AKAP7: variants seen among roughly 807,000 people sequenced by gnomAD.
AKAP7 encodes A-kinase anchoring protein 7.
In AKAP7, 39 loss-of-function variants were observed where a neutral mutation model predicts 39.5. The observed-to-expected ratio is 0.99, with a 90% CI of 0.76 to 1.29. The LOEUF (loss-of-function observed/expected upper bound fraction) is 1.29. Among genes scored for constraint, AKAP7 ranks in the 50% most tolerant of loss-of-function variants. The pLI is 0.00. For missense variants in AKAP7, 414 were observed against 407.7 expected (o/e 1.02, Z -0.13); for synonymous variants, 140 against 139.1 (o/e 1.01, Z -0.05).
At chr6:131,137,265 A>G (rs774000499) in intron 1 of AKAP7, 1 of 151,272 alleles carries the variant, frequency 6.6e-6, no homozygotes, top group Non-Finnish European at 1.5e-5. Context: ...TAAATTTACT[A>G]TTTACCTAGT....
Position 131,282,924 on chromosome 6 carries a change from G to A in AKAP7, c.*1198G>A, listed in dbSNP as rs915343766. ...ACTGTGAACAAATCATTCACAAACA[G>A]AATAAAACAGAGCCAACAACAGTAT... On this transcript the variant is annotated 3_prime_UTR_variant, in exon 8 of 8. Transcript: ENST00000431975. The A allele has an allele frequency of 1.5e-5, 3 of 206,882 alleles. No homozygotes were observed. Among genetic ancestry groups the A allele is most frequent in the African/African-American group, 6.9e-5 (3 of 43,280 alleles). 12.8% of individuals were successfully genotyped at this position (206,882 alleles called of 1,614,324 possible). A position where few individuals can be genotyped will look rare whatever the true frequency, so the allele number is the denominator to read the frequency against.
chr6:131,227,353 C>A (rs1331384633), intron 7 of AKAP7, among the ~76,000 whole-genome samples: 1 of 152,048 alleles, frequency 6.6e-6, no homozygotes, highest in Non-Finnish European at 1.5e-5. Context: ...GAGGAAGCTG[C>A]AGAGTGGGAG....
intron 6 of AKAP7, among the ~76,000 whole-genome samples, chr6:131,211,950 T>C (rs1356968803): frequency 2.6e-5 from 4 of 152,178 alleles, no homozygotes; most frequent in Non-Finnish European, 4.4e-5. Context: ...TAGCCTAGCC[T>C]ACCTAAATGT....
chr6:131,131,352 T>C (rs112657358), upstream of AKAP7, among the ~76,000 whole-genome samples: 736 of 152,288 alleles, frequency 4.8e-3, 9 homozygotes, highest in African/African-American at 0.017. Flanking sequence ...GAGCCAGACA[T>C]TGCTCTTCAT....
chr6:131,185,204 T>C (rs879581000), intron 5 of AKAP7: 2 of 482,780 alleles, frequency 4.1e-6, no homozygotes. Context: ...GCTTAATAGG[T>C]GGGAAGAAAA....
chr6:131,160,145 A>G lies in AKAP7; in HGVS notation c.238A>G (p.Arg80Gly), dbSNP rs1473997162. The change falls in exon 3 of 8, where the codon AGA becomes GGA. Residue 80 changes from arginine (R) to glycine (G), a missense_variant. Physicochemically the swap from Arg to Gly is moderately radical, Grantham distance 125 (BLOSUM62 -2). Transcript: ENST00000431975. ...SDQVKKRKKK[R>G]KDYQPNYFLS... is the part of the protein sequence containing the mutation. ...TCAAGTAAAGAAGAGGAAAAAAAAG[A>G]GAAAAGATTATCAACCCAACTATTT... The G allele has an allele frequency of 1.2e-6, 2 of 1,612,004 alleles. No individual in the cohort carries two copies. The highest frequency in any genetic ancestry group is 2.2e-5 in the East Asian group (1 of 44,822).
chr6:131,175,981 A>G (rs1432930427), intron 5 of AKAP7, among the ~76,000 whole-genome samples: 1 of 152,238 alleles, frequency 6.6e-6, no homozygotes, highest in Non-Finnish European at 1.5e-5. Context: ...CATGTCTCAT[A>G]AAACTTCTAT....
At chr6:131,253,124 C>G (rs1562245492) in intron 7 of AKAP7, 2 of 1,604,490 alleles carry the variant, frequency 1.2e-6, no homozygotes, top group Non-Finnish European at 1.7e-6. Context: ...CAAGTGACCC[C>G]TCCCCTCTCC....
chr6:131,170,972 A>T (rs1803990321), intron 5 of AKAP7, among the ~76,000 whole-genome samples: 2 of 152,218 alleles, frequency 1.3e-5, no homozygotes, highest in Admixed American at 1.3e-4. Flanking sequence ...TGGGTTGCAA[A>T]TGTGAAATTC....
At chr6:131,271,423 T>G (rs186017787) in intron 7 of AKAP7, among the ~76,000 whole-genome samples, 1 of 152,200 alleles carries the variant, frequency 6.6e-6, no homozygotes, top group South Asian at 2.1e-4. Context: ...TCTATACTTA[T>G]GCCAATACCA....
At chr6:131,135,267 A>G (rs920670759), upstream of AKAP7, among the ~76,000 whole-genome samples, 5 of 152,348 alleles carry the variant, frequency 3.3e-5, no homozygotes, top group African/African-American at 1.2e-4. Context: ...GCCACGGGAA[A>G]TAAATGAGGG....
chr6:131,235,342 A>G (rs1444320676), intron 7 of AKAP7, among the ~76,000 whole-genome samples: 1 of 152,176 alleles, frequency 6.6e-6, no homozygotes, highest in Non-Finnish European at 1.5e-5. Flanking sequence ...AGTCTTTGCT[A>G]TTGTGAATAG....
At position 131,250,099 on chromosome 6, in the gene AKAP7, T is replaced by C. The variant is rs187226709; in HGVS notation, c.850+30291T>C. On this transcript the variant is annotated intron_variant, in intron 7 of 7. Transcript: ENST00000431975. The stretch of plus-strand genomic sequence containing the variant: ...ATCTCCTAGGGATAAAAGAAGGCTC[T>C]TCCTCTTTAAGTAGCAGACAGAAAA... The C allele has an allele frequency of 1.7e-4, 156 of 894,854 alleles. 1 individual carries two copies. The highest frequency in any genetic ancestry group is 1.8e-5 in the African/African-American group (1 of 55,354). The allele number at this position is 894,854 out of a possible 1,614,324, so 55.4% of individuals were successfully genotyped here. A position where few individuals can be genotyped will look rare whatever the true frequency, so the allele number is the denominator to read the frequency against.
At chr6:131,223,952 A>AG (rs1809930157) in intron 7 of AKAP7, among the ~76,000 whole-genome samples, 1 of 152,084 alleles carries the variant, frequency 6.6e-6, no homozygotes, top group Non-Finnish European at 1.5e-5. Context: ...CCCTTATGTG[A>AG]GGTAGTTTCT....
chr6:131,228,506 G>A (rs1810376037), intron 7 of AKAP7, among the ~76,000 whole-genome samples: 1 of 152,018 alleles, frequency 6.6e-6, no homozygotes, highest in Non-Finnish European at 1.5e-5. Context: ...CTTTTGTTGA[G>A]TTTTTACTTT....
chr6:131,247,574 C>T (rs1304923264), intron 7 of AKAP7, among the ~76,000 whole-genome samples: 2 of 151,642 alleles, frequency 1.3e-5, no homozygotes, highest in Non-Finnish European at 2.9e-5. Flanking sequence ...CCCACCTTGG[C>T]CTCCTGAAGT....
At chr6:131,157,248 T>C (rs1340829193) in intron 2 of AKAP7, among the ~76,000 whole-genome samples, 3 of 152,194 alleles carry the variant, frequency 2.0e-5, no homozygotes, top group Admixed American at 6.5e-5. Context: ...TCCTATGAAG[T>C]AGCTATTATT....
At chr6:131,225,874 T>C (rs1475405115) in intron 7 of AKAP7, among the ~76,000 whole-genome samples, 1 of 152,214 alleles carries the variant, frequency 6.6e-6, no homozygotes, top group African/African-American at 2.4e-5. Context: ...CCCCATCACA[T>C]CTTTTACTGT....
chr6:131,218,446 T>C (rs1809395387), intron 6 of AKAP7, among the ~76,000 whole-genome samples: 1 of 148,238 alleles, frequency 6.7e-6, no homozygotes. Context: ...TACTTTGTGT[T>C]GGCAAGGAAA....
Sources: gnomAD v4.1 joint callset for allele counts (sites outside exome capture counted in the v4.1 genomes callset) on GRCh38, gnomAD v4.1.1 for gene constraint, MANE v1.5 for transcripts, NCBI Gene and HGNC (gene_info 2026-07-23, HGNC 2026-07-21) for gene names.